Variants in PCDH15 observed in about 807,000 individuals in gnomAD.
PCDH15 encodes the protein protocadherin-15.
PCDH15 carries 129 observed loss-of-function variants against 178.5 expected under a neutral mutation model. That is an observed-to-expected ratio of 0.72 (90% CI 0.63 to 0.84). The LOEUF (loss-of-function observed/expected upper bound fraction) is 0.84, where lower values mean the gene tolerates loss of function less well. PCDH15 is among the 40% of genes least tolerant of loss of function. The pLI is 0.00. For missense variants in PCDH15, 2,230 were observed against 2,099.9 expected (o/e 1.06, Z -1.21); for synonymous variants, 800 against 732.0 (o/e 1.09, Z -1.50).
intron 18 of PCDH15, among the ~76,000 whole-genome samples, chr10:54,028,635 G>A (rs1250387935): frequency 2.7e-5 from 4 of 148,692 alleles, no homozygotes; most frequent in African/African-American, 9.9e-5. Context: ...CATGTCCTTT[G>A]TAGGGACATG....
At chr10:55,056,144 C>A (rs7071345) in intron 2 of PCDH15, among the ~76,000 whole-genome samples, 1 of 152,138 alleles carries the variant, frequency 6.6e-6, no homozygotes. Flanking sequence ...CAATTTAAAT[C>A]TCATGATGTG....
chr10:54,663,962 C>A (rs1005370097), intron 2 of PCDH15, among the ~76,000 whole-genome samples: 9 of 151,926 alleles, frequency 5.9e-5, no homozygotes, highest in African/African-American at 2.2e-4. Context: ...AAACTGTATT[C>A]CTTCTACCAT....
chr10:55,334,242 A>ATATATATATATGTGTGTG (rs1291195941), intron 2 of PCDH15, among the ~76,000 whole-genome samples: 4 of 72,156 alleles, frequency 5.5e-5, no homozygotes, highest in African/African-American at 3.8e-4. Context: ...ATATATATAT[A>ATATATATATATGTGTGTG]TGTGTGTGTG....
At chr10:55,398,872 C>G (rs1407164481) in intron 2 of PCDH15, among the ~76,000 whole-genome samples, 3 of 151,860 alleles carry the variant, frequency 2.0e-5, no homozygotes, top group South Asian at 2.1e-4. Flanking sequence ...AATAGATAAA[C>G]TAATCAGAAA....
In PCDH15 at chr10:54,895,226, C is replaced by T. The variant is rs4935127; in HGVS notation, c.-29+2224G>A. ...TGTGGCTACTCATAATTCCTCTTCC[C>T]CTAAAAGTCAACCGTGAAGGGCCCA... On this transcript the variant is annotated intron_variant, in intron 3 of 5. Coordinates refer to the PCDH15 transcript ENST00000458638. Among the ~76,000 whole-genome samples, 205 of 152,026 alleles carry T rather than the reference C, an allele frequency of 1.3e-3. 1 individual carries two copies. Among genetic ancestry groups the T allele is most frequent in the African/African-American group, 4.7e-3 (197 of 41,512 alleles).
intron 7 of PCDH15, among the ~76,000 whole-genome samples, chr10:54,321,817 G>C (rs1365942244): frequency 1.3e-5 from 2 of 151,838 alleles, no homozygotes; most frequent in African/African-American, 4.8e-5. Context: ...TTTTTAAGTG[G>C]GAAATAAAAA....
intron 21 of PCDH15, among the ~76,000 whole-genome samples, chr10:53,978,674 T>C (rs543659130): frequency 0.015 from 2,086 of 139,770 alleles, 49 homozygotes; most frequent in African/African-American, 0.053. Flanking sequence ...TTTTTTTTTT[T>C]CTACTGCATC....
intron 1 of PCDH15, among the ~76,000 whole-genome samples, chr10:54,699,130 A>G (rs2095273810): frequency 6.6e-6 from 1 of 152,156 alleles, no homozygotes; most frequent in Admixed American, 6.6e-5. Flanking sequence ...GCATTCTAAC[A>G]AAGGATTAAA....
rs535705761 is a variant in PCDH15 at position 54,943,583 on chromosome 10, G to A, written c.-79-46083C>T. The stretch of plus-strand genomic sequence containing the variant: ...GGAAAATTGCAAGCACACAACTATG[G>A]AGTATGTTAAAGAGCATTGTAATGG... On this transcript the variant is annotated intron_variant, in intron 2 of 5. Coordinates refer to the PCDH15 transcript ENST00000458638. Among the ~76,000 whole-genome samples the A allele has an allele frequency of 1.7e-4, 26 of 152,032 alleles. No individual in the cohort carries two copies. The South Asian group carries it at 5.4e-3, about 31-fold the overall frequency.
At chr10:55,522,430 G>A (rs182941104) in intron 2 of PCDH15, among the ~76,000 whole-genome samples, 21 of 151,714 alleles carry the variant, frequency 1.4e-4, no homozygotes, top group Non-Finnish European at 2.8e-4. Flanking sequence ...ATTCCATACT[G>A]TTACTGTATT....
intron 2 of PCDH15, among the ~76,000 whole-genome samples, chr10:54,554,740 A>G (rs2086984074): frequency 6.6e-6 from 1 of 152,206 alleles, no homozygotes; most frequent in Non-Finnish European, 1.5e-5. Context: ...TTTTGCAAAG[A>G]GCCCTAAACC....
At chr10:54,188,591 G>A (rs2048684665) in intron 11 of PCDH15, among the ~76,000 whole-genome samples, 1 of 151,454 alleles carries the variant, frequency 6.6e-6, no homozygotes, top group Non-Finnish European at 1.5e-5. Context: ...ATTTTGAGAT[G>A]GTAAAATAAG....
chr10:54,377,822 T>C (rs1948667036), intron 4 of PCDH15, among the ~76,000 whole-genome samples: 1 of 152,142 alleles, frequency 6.6e-6, no homozygotes, highest in Non-Finnish European at 1.5e-5. Flanking sequence ...AAGACTGAGA[T>C]GCAAATAAGT....
chr10:54,881,714 G>A (rs1180069645), intron 3 of PCDH15, among the ~76,000 whole-genome samples: 3 of 152,004 alleles, frequency 2.0e-5, no homozygotes, highest in Non-Finnish European at 4.4e-5. Flanking sequence ...AAGCGGATTA[G>A]GCTCTACCTC....
At chr10:54,095,029 G>A (rs1427762853) in intron 15 of PCDH15, among the ~76,000 whole-genome samples, 1 of 152,180 alleles carries the variant, frequency 6.6e-6, no homozygotes, top group Non-Finnish European at 1.5e-5. Flanking sequence ...CCGTCTGATA[G>A]AGTGCATTTT....
At chr10:53,813,272 C>A (rs186824122) in intron 35 of PCDH15, among the ~76,000 whole-genome samples, 1 of 152,266 alleles carries the variant, frequency 6.6e-6, no homozygotes, top group Admixed American at 6.5e-5. Context: ...GTCTAATAAA[C>A]TCCATTCACT....
intron 1 of PCDH15, among the ~76,000 whole-genome samples, chr10:55,283,857 A>C (rs1842797444): frequency 6.6e-6 from 1 of 152,090 alleles, no homozygotes; most frequent in African/African-American, 2.4e-5. Context: ...AAGAAGAACA[A>C]CTCATAGAAA....
intron 1 of PCDH15, among the ~76,000 whole-genome samples, chr10:54,665,305 A>G (rs1261279727): frequency 6.6e-6 from 1 of 152,024 alleles, no homozygotes; most frequent in Non-Finnish European, 1.5e-5. Flanking sequence ...TCTGATTTTC[A>G]AAGAGAAGGC....
rs1224266801 is a variant in PCDH15 at position 54,242,177 on chromosome 10, T to C, written c.877-5246A>G. 9.1e-4 allele frequency among the ~76,000 whole-genome samples: 80 copies of C among 87,926 alleles called. 3 individuals carry two copies. Among genetic ancestry groups the C allele is most frequent in the African/African-American group, 4.0e-3 (77 of 19,300 alleles). The allele number at this position is 87,926 out of a possible 152,430, so 57.7% of individuals were successfully genotyped here. A position where few individuals can be genotyped will look rare whatever the true frequency, so the allele number is the denominator to read the frequency against. ...ATATATATATATATATATATATATA[T>C]ATATATATATACACACACACACATA... On this transcript the variant is annotated intron_variant, in intron 8 of 37. Coordinates refer to ENST00000644397, the MANE Select transcript of PCDH15 (RefSeq NM_001384140.1).
Sources: gnomAD v4.1 joint callset for allele counts (sites outside exome capture counted in the v4.1 genomes callset) on GRCh38, gnomAD v4.1.1 for gene constraint, MANE v1.5 for transcripts, NCBI Gene and HGNC (gene_info 2026-07-23, HGNC 2026-07-21) for gene names.